ANKRD55: variants seen among roughly 807,000 people sequenced by gnomAD.
ANKRD55 encodes the protein ankyrin repeat domain 55.
A neutral mutation model predicts 60.6 loss-of-function variants in ANKRD55; 41 were observed. That is an observed-to-expected ratio of 0.68 (90% CI 0.53 to 0.88). The LOEUF is 0.88. Among genes scored for constraint, ANKRD55 ranks in the 40% least tolerant of loss-of-function variants. ANKRD55 has a pLI of 0.00. For missense variants in ANKRD55, 732 were observed against 767.6 expected, an observed-to-expected ratio of 0.95 and a Z score of 0.55; for synonymous variants, 264 against 290.3, an observed-to-expected ratio of 0.91 and a Z score of 0.92.
At chr5:56,112,511 A>AAACAAAAAAC (rs1554036587) in intron 9 of ANKRD55, among the ~76,000 whole-genome samples, 4 of 81,528 alleles carry the variant, frequency 4.9e-5, no homozygotes, top group Non-Finnish European at 9.4e-5. Flanking sequence ...TAGCAAAAAA[A>AAACAAAAAAC]AAAAAAAAAA....
chr5:56,212,201 A>G (rs777692375), intron 2 of ANKRD55, among the ~76,000 whole-genome samples: 11 of 152,186 alleles, frequency 7.2e-5, no homozygotes, highest in Admixed American at 7.2e-4. Context: ...TCATGGCCAA[A>G]TACAGTTTAT....
At chr5:56,139,201 C>T (rs566376372) in intron 7 of ANKRD55, among the ~76,000 whole-genome samples, 3 of 152,154 alleles carry the variant, frequency 2.0e-5, no homozygotes, top group East Asian at 3.9e-4. Context: ...TTTTTTTCCA[C>T]AGAGAGAAAG....
intron 11 of ANKRD55, among the ~76,000 whole-genome samples, chr5:56,101,670 C>T (rs1274160959): frequency 1.3e-5 from 2 of 152,034 alleles, no homozygotes; most frequent in African/African-American, 4.8e-5. Flanking sequence ...TACTTAGGCA[C>T]ACTAAAGTTT....
chr5:56,137,335 A>G lies in ANKRD55; in HGVS notation c.612+6466T>C, dbSNP rs1757633536. The G allele has an allele frequency of 4.0e-6, 6 of 1,498,868 alleles. No individual in the cohort carries two copies. The Admixed American group carries it at 1.0e-4, about 25-fold the overall frequency. 92.8% of individuals were successfully genotyped at this position (1,498,868 alleles called of 1,614,324 possible). Reference sequence around the variant, plus strand: ...CTGGTCATTGAGCATATCCATGGGAACAAAGCACCTAAGATGTGCCCCTGG... The same window carrying G: ...CTGGTCATTGAGCATATCCATGGGAGCAAAGCACCTAAGATGTGCCCCTGG... On this transcript the variant is annotated intron_variant, in intron 7 of 11. Coordinates refer to ENST00000341048, the MANE Select transcript of ANKRD55 (RefSeq NM_024669.3).
chr5:56,199,114 C>A (rs1489162556), intron 2 of ANKRD55, among the ~76,000 whole-genome samples: 1 of 127,926 alleles, frequency 7.8e-6, no homozygotes, highest in African/African-American at 3.2e-5. Context: ...CCCAAAAAAA[C>A]CCAAACACGT....
intron 6 of ANKRD55, among the ~76,000 whole-genome samples, chr5:56,156,626 G>A (rs1241374838): frequency 6.6e-6 from 1 of 152,178 alleles, no homozygotes; most frequent in East Asian, 1.9e-4. Flanking sequence ...GAGGTTGGAG[G>A]TGGAGGAAGT....
intron 4 of ANKRD55, among the ~76,000 whole-genome samples, chr5:56,172,094 G>A (rs2111815326): frequency 1.3e-5 from 2 of 150,648 alleles, no homozygotes; most frequent in South Asian, 4.2e-4. Flanking sequence ...ACTCCAACCT[G>A]GGCGACAGAA....
rs1163894641 is a variant in ANKRD55, at chr5:56,135,433, G to A, written c.613-8327C>T. ...TGCTCAGGCTGGAGTGCAGTGGTGC[G>A]ATCTTGGCTCACTGTGACCTCCGCC... On this transcript the variant is annotated intron_variant, in intron 7 of 11. Coordinates refer to ENST00000341048, the MANE Select transcript of ANKRD55 (RefSeq NM_024669.3). Among the ~76,000 whole-genome samples, 9 of 150,188 alleles carry A rather than the reference G, an allele frequency of 6.0e-5. No homozygotes were observed. In the East Asian group the frequency reaches 1.6e-3, roughly 26 times the overall value.
At chr5:56,173,582 C>CTCTCTATATATA (rs1484157730) in intron 4 of ANKRD55, among the ~76,000 whole-genome samples, 1 of 45,240 alleles carries the variant, frequency 2.2e-5, no homozygotes, top group African/African-American at 8.6e-5. Context: ...CTCTCTCTCT[C>CTCTCTATATATA]TATATATATA....
At chr5:56,119,035 A>C (rs1756964779) in intron 8 of ANKRD55, among the ~76,000 whole-genome samples, 3 of 152,238 alleles carry the variant, frequency 2.0e-5, no homozygotes, top group Admixed American at 6.5e-5. Flanking sequence ...GAAGTTAAAC[A>C]CATACTTATA....
At chr5:56,162,162 A>C in intron 5 of ANKRD55, 2 of 345,456 alleles carry the variant, frequency 5.8e-6, no homozygotes, top group Non-Finnish European at 8.2e-6. Flanking sequence ...GACAGAGATT[A>C]TCTGTAGCCA....
intron 3 of ANKRD55, among the ~76,000 whole-genome samples, chr5:56,177,813 C>T (rs1758769198): frequency 6.6e-6 from 1 of 151,920 alleles, no homozygotes; most frequent in African/African-American, 2.4e-5. Context: ...AAAACAGAAT[C>T]CCTAGATATT....
intron 7 of ANKRD55, among the ~76,000 whole-genome samples, chr5:56,140,754 G>A (rs1053263614): frequency 6.6e-6 from 1 of 152,156 alleles, no homozygotes; most frequent in Admixed American, 6.5e-5. Context: ...TCTATGGAAA[G>A]GAGGGAGCTT....
At chr5:56,172,157 T>C (rs1375566025) in intron 4 of ANKRD55, among the ~76,000 whole-genome samples, 1 of 149,752 alleles carries the variant, frequency 6.7e-6, no homozygotes, top group Non-Finnish European at 1.5e-5. Context: ...AATAAATGCA[T>C]GGAGAAGAAG....
At position 56,164,041 on chromosome 5, in the gene ANKRD55, G is replaced by A. The variant is rs1032502289; in HGVS notation, c.423-4148C>T. Among the ~76,000 whole-genome samples, 10 of 152,150 alleles carry A rather than the reference G, an allele frequency of 6.6e-5. 1 individual carries two copies. Among genetic ancestry groups the A allele is most frequent in the African/African-American group, 2.2e-4 (9 of 41,420 alleles). ...TGGGAGGTGGAGGTTGCAGTGAGCC[G>A]AGATTATGCCACTGCACTCTAGCCT... is the stretch of plus-strand genomic sequence containing the variant. On this transcript the variant is annotated intron_variant, in intron 5 of 11. Coordinates refer to ENST00000341048, the MANE Select transcript of ANKRD55 (RefSeq NM_024669.3).
chr5:56,104,474 G>A (rs770902409), intron 10 of ANKRD55, among the ~76,000 whole-genome samples: 22 of 152,150 alleles, frequency 1.4e-4, no homozygotes, highest in Non-Finnish European at 1.8e-4. Context: ...TTTATTCCAT[G>A]TTGGCATTTT....
intron 7 of ANKRD55, among the ~76,000 whole-genome samples, chr5:56,134,253 T>C (rs1382715397): frequency 8.7e-6 from 1 of 115,134 alleles, no homozygotes; most frequent in African/African-American, 2.8e-5. Context: ...CAAGGAGAAA[T>C]AGATAATCTG....
intron 2 of ANKRD55, among the ~76,000 whole-genome samples, chr5:56,198,287 A>G (rs998744484): frequency 1.0e-4 from 15 of 150,678 alleles, no homozygotes; most frequent in African/African-American, 3.2e-4. Context: ...ATCTACAATT[A>G]TTATTATTAC....
At chr5:56,210,548 G>A (rs149243) in intron 2 of ANKRD55, among the ~76,000 whole-genome samples, 23,705 of 127,666 alleles carry the variant, frequency 0.19, 2,343 homozygotes, top group East Asian at 0.42. Flanking sequence ...GCGACAGAGC[G>A]AGACTACGTC....
Sources: allele counts gnomAD v4.1 joint callset (sites outside exome capture counted in the v4.1 genomes callset), GRCh38; gene constraint gnomAD v4.1.1; transcripts MANE v1.5; gene names NCBI Gene and HGNC (gene_info 2026-07-23, HGNC 2026-07-21).